The following SDK2 variants were observed in gnomAD, a reference collection of about 807,000 sequenced individuals.
SDK2 encodes the protein sidekick cell adhesion molecule 2, also known as protein sidekick-2.
In SDK2, 105 loss-of-function variants were observed where a neutral mutation model predicts 253.9. The observed-to-expected ratio is 0.41, with a 90% confidence interval of 0.35 to 0.49. The LOEUF is 0.49. SDK2 is among the 20% of genes least tolerant of loss of function. The probability of loss-of-function intolerance (pLI) is 0.06; values close to 1 mark genes in which losing one functional copy is unlikely to be tolerated. For missense variants in SDK2, 2,608 were observed against 3,003.0 expected, an observed-to-expected ratio of 0.87 and a Z score of 3.07; for synonymous variants, 1,249 against 1,234.9, an observed-to-expected ratio of 1.01 and a Z score of -0.24.
intron 10 of SDK2, 96 bp downstream of exon 10, chr17:73,433,636 C>T (rs2063344271): frequency 6.9e-6 from 6 of 869,686 alleles, no homozygotes; most frequent in South Asian, 2.9e-5. Flanking sequence ...CACAAGTGTA[C>T]GTGGGGAACC....
intron 3 of SDK2, 121 bp from the exon 4 acceptor site, chr17:73,456,174 G>C: frequency 8.8e-7 from 1 of 1,132,902 alleles, no homozygotes; most frequent in Non-Finnish European, 1.2e-6. Flanking sequence ...GATGACCACA[G>C]GGAAGGAGGA....
At chr17:73,518,202 C>G (rs2064045236) in intron 1 of SDK2, 1 of 152,216 alleles carries the variant, frequency 6.6e-6, no homozygotes, top group Admixed American at 6.5e-5. Flanking sequence ...CCAGCCCTGA[C>G]ATTATAAGAG....
chr17:73,604,939 G>A (rs979908379), intron 1 of SDK2, among the ~76,000 whole-genome samples: 3 of 152,190 alleles, frequency 2.0e-5, no homozygotes, highest in East Asian at 1.9e-4. Flanking sequence ...GGACCACTGC[G>A]GGAGAGGAAG....
chr17:73,566,716 G>A (rs2045316750), intron 1 of SDK2, among the ~76,000 whole-genome samples: 5 of 152,038 alleles, frequency 3.3e-5, no homozygotes, highest in Admixed American at 3.3e-4. Context: ...TATGGCTTAG[G>A]GCTTTATGAG....
intron 44 of SDK2, among the ~76,000 whole-genome samples, chr17:73,341,952 G>C (rs549768755): frequency 1.5e-4 from 23 of 152,188 alleles, no homozygotes; most frequent in Non-Finnish European, 2.9e-4. Flanking sequence ...GGAAGGGTGA[G>C]GGTTTTGCTG....
intron 1 of SDK2, among the ~76,000 whole-genome samples, chr17:73,638,065 C>T (rs553900533): frequency 3.9e-5 from 6 of 152,266 alleles, no homozygotes; most frequent in South Asian, 4.1e-4. Flanking sequence ...CTGCTCAGTG[C>T]GCTGAGGGCT....
chr17:73,529,941 A>G (rs1320857130), intron 1 of SDK2, among the ~76,000 whole-genome samples: 1 of 152,190 alleles, frequency 6.6e-6, no homozygotes, highest in Non-Finnish European at 1.5e-5. Context: ...TTAACACGGT[A>G]GTGGGAGAGA....
chr17:73,495,568 A>C (rs1042114267), intron 2 of SDK2, among the ~76,000 whole-genome samples: 1 of 151,876 alleles, frequency 6.6e-6, no homozygotes, highest in Non-Finnish European at 1.5e-5. Context: ...TCAAATAGTG[A>C]TACCCCTTGC....
chr17:73,635,116 G>T (rs1008003569), intron 1 of SDK2, among the ~76,000 whole-genome samples: 1 of 151,982 alleles, frequency 6.6e-6, no homozygotes, highest in Non-Finnish European at 1.5e-5. Flanking sequence ...CTCTCGAGTA[G>T]CTGGAATTAC....
chr17:73,641,801 C>T (rs1470966170), intron 1 of SDK2, among the ~76,000 whole-genome samples: 1 of 152,118 alleles, frequency 6.6e-6, no homozygotes, highest in East Asian at 1.9e-4. Flanking sequence ...AAAAAACTCA[C>T]TCTCTAACCC....
intron 36 of SDK2, among the ~76,000 whole-genome samples, chr17:73,372,999 G>A (rs986353717): frequency 4.6e-5 from 7 of 152,126 alleles, no homozygotes; most frequent in African/African-American, 1.7e-4. Context: ...TCACCGAAAC[G>A]CTGTATCCTG....
At chr17:73,494,405 C>T (rs2063827649) in intron 2 of SDK2, among the ~76,000 whole-genome samples, 1 of 152,150 alleles carries the variant, frequency 6.6e-6, no homozygotes, top group Non-Finnish European at 1.5e-5. Flanking sequence ...CCGGTGTCCT[C>T]AGCCCAGGTC....
chr17:73,489,806 C>G (rs2063793313), intron 2 of SDK2, among the ~76,000 whole-genome samples: 1 of 152,112 alleles, frequency 6.6e-6, no homozygotes, highest in South Asian at 2.1e-4. Context: ...ATACTTATGC[C>G]CACCGCTATA....
chr17:73,386,653 G>A, intron 30 of SDK2, 105 bp from the exon 31 acceptor site: 2 of 768,212 alleles, frequency 2.6e-6, no homozygotes, highest in South Asian at 3.0e-5. Context: ...GGGAAAGGGG[G>A]CAGGGTGCCA....
At chr17:73,399,667 G>C (rs899716851) in intron 21 of SDK2, among the ~76,000 whole-genome samples, 1 of 152,178 alleles carries the variant, frequency 6.6e-6, no homozygotes, top group Non-Finnish European at 1.5e-5. Context: ...AAACGGGACC[G>C]ATCCTCCCTT....
Position 73,472,230 on chromosome 17 carries a change from A to G in SDK2, c.225-12T>C. The G allele has an allele frequency of 6.5e-7, 1 of 1,546,578 alleles. No homozygotes were observed. The highest frequency in any genetic ancestry group is 8.8e-7 in the Non-Finnish European group (1 of 1,142,314). On this transcript the variant is annotated splice_polypyrimidine_tract_variant and intron_variant, in intron 2 of 44. Coordinates refer to ENST00000392650, the MANE Select transcript of SDK2 (RefSeq NM_001144952.2). Reference sequence around the variant, plus strand: ...TGGTGATCATGTATCTATGGGACAGACGAGACAGCCAGTGAGCAAGTCAGG... The same window carrying G: ...TGGTGATCATGTATCTATGGGACAGGCGAGACAGCCAGTGAGCAAGTCAGG...
At chr17:73,602,608 A>T (rs1468628319) in intron 1 of SDK2, among the ~76,000 whole-genome samples, 1 of 150,746 alleles carries the variant, frequency 6.6e-6, no homozygotes, top group African/African-American at 2.5e-5. Flanking sequence ...CATTTTTCCC[A>T]TTCTCAGTCT....
At chr17:73,473,951 G>A (rs1263374094) in intron 2 of SDK2, among the ~76,000 whole-genome samples, 1 of 152,110 alleles carries the variant, frequency 6.6e-6, no homozygotes, top group East Asian at 1.9e-4. Flanking sequence ...ATTTAAAAAG[G>A]ACATTTCTGG....
At chr17:73,626,889 G>A (rs548846047) in intron 1 of SDK2, among the ~76,000 whole-genome samples, 5 of 152,308 alleles carry the variant, frequency 3.3e-5, no homozygotes, top group Non-Finnish European at 7.4e-5. Context: ...GAGGACAGAG[G>A]GGCAGTGTTC....
Sources: allele counts gnomAD v4.1 joint callset (sites outside exome capture counted in the v4.1 genomes callset), GRCh38; gene constraint gnomAD v4.1.1; transcripts MANE v1.5; gene names NCBI Gene and HGNC (gene_info 2026-07-23, HGNC 2026-07-21).